The following SLC25A16 variants were observed in gnomAD, a reference collection of about 807,000 sequenced individuals.
The protein encoded by SLC25A16 is mitochondrial coenzyme A transporter SLC25A16.
Under a neutral mutation model 41.5 loss-of-function variants are expected in SLC25A16, and 39 were observed. That is an observed-to-expected ratio of 0.94 (90% CI 0.73 to 1.23). The LOEUF (loss-of-function observed/expected upper bound fraction) is 1.23. Ranked by LOEUF, SLC25A16 falls within the 50% of genes most tolerant of loss-of-function variation. The pLI is 0.00. For synonymous variants in SLC25A16, 146 were observed against 147.8 expected, an observed-to-expected ratio of 0.99 and a Z score of 0.09; for missense variants, 421 against 426.9, an observed-to-expected ratio of 0.99 and a Z score of 0.12.
rs1197573544 is a variant in SLC25A16, at chr10:68,482,730, G to A, written c.*702C>T. The A allele has an allele frequency of 6.6e-6, 1 of 152,064 alleles. No homozygotes were observed. The highest frequency in any genetic ancestry group is 1.9e-4 in the East Asian group (1 of 5,184). 9.4% of individuals were successfully genotyped at this position (152,064 alleles called of 1,614,324 possible). On this transcript the variant is annotated 3_prime_UTR_variant, in exon 9 of 9. Coordinates refer to ENST00000609923, the MANE Select transcript of SLC25A16 (RefSeq NM_152707.4). ...GTCGTTCATTCATTTATTAAGTGGG[G>A]TTTCATGATGTTGCATAGGCTGGCA...
At chr10:68,489,013 T>C (rs2052611781) in intron 6 of SLC25A16, among the ~76,000 whole-genome samples, 1 of 152,190 alleles carries the variant, frequency 6.6e-6, no homozygotes, top group Non-Finnish European at 1.5e-5. Context: ...CTCACACCTG[T>C]AATCCCAACA....
chr10:68,527,125 C>G, intron 1 of SLC25A16, 121 bp downstream of exon 1: 1 of 1,063,340 alleles, frequency 9.4e-7, no homozygotes, highest in East Asian at 2.9e-5. Flanking sequence ...GGGCAGACAT[C>G]TAACAGAACA....
At chr10:68,514,165 C>G (rs968351419) in intron 2 of SLC25A16, among the ~76,000 whole-genome samples, 1 of 152,022 alleles carries the variant, frequency 6.6e-6, no homozygotes, top group Admixed American at 6.6e-5. Context: ...AGTACTCCAG[C>G]CTCTGGGCGA....
chr10:68,512,453 C>T (rs1306434440), intron 2 of SLC25A16, among the ~76,000 whole-genome samples: 1 of 95,700 alleles, frequency 1.0e-5, no homozygotes. Context: ...CCGGCTAAAA[C>T]GGTGAAACCC....
At chr10:68,490,406 G>A (rs1045486274) in intron 6 of SLC25A16, among the ~76,000 whole-genome samples, 34 of 151,424 alleles carry the variant, frequency 2.2e-4, no homozygotes, top group Non-Finnish European at 2.1e-4. Flanking sequence ...GCAATGGTGC[G>A]ATCTTAGCTC....
chr10:68,524,974 G>A (rs1196256167), intron 1 of SLC25A16, among the ~76,000 whole-genome samples: 1 of 151,828 alleles, frequency 6.6e-6, no homozygotes, highest in Non-Finnish European at 1.5e-5. Flanking sequence ...TTGAACCCAG[G>A]AAGCAGAGGT....
At chr10:68,512,098 AT>A (rs372878002) in intron 2 of SLC25A16, among the ~76,000 whole-genome samples, 128 of 152,214 alleles carry the variant, frequency 8.4e-4, no homozygotes, top group African/African-American at 3.0e-3. Flanking sequence ...GATTCTTTGT[AT>A]ACATGAGCAA....
At chr10:68,490,029 G>A (rs1223759024) in intron 6 of SLC25A16, among the ~76,000 whole-genome samples, 1 of 152,158 alleles carries the variant, frequency 6.6e-6, no homozygotes, top group African/African-American at 2.4e-5. Flanking sequence ...TGGAGGCTAA[G>A]GTGGGAGGAT....
At chr10:68,513,939 A>G (rs10998241) in intron 2 of SLC25A16, among the ~76,000 whole-genome samples, 1 of 152,040 alleles carries the variant, frequency 6.6e-6, no homozygotes, top group African/African-American at 2.4e-5. Flanking sequence ...GCTCATGCCT[A>G]TAATTTCAGT....
At chr10:68,496,419 T>A in intron 4 of SLC25A16, 2 of 937,808 alleles carry the variant, frequency 2.1e-6, no homozygotes, top group South Asian at 4.9e-5. Flanking sequence ...ATAAGGCAAA[T>A]CAGAAACTGC....
At position 68,483,227 on chromosome 10, in the gene SLC25A16, G is replaced by C. The variant is rs947519487; in HGVS notation, c.*205C>G. 10 of 442,178 alleles carry C rather than the reference G, an allele frequency of 2.3e-5. No individual in the cohort carries two copies. The highest frequency in any genetic ancestry group is 1.8e-4 in the African/African-American group (9 of 50,278). The allele number at this position is 442,178 out of a possible 1,614,324, so 27.4% of individuals were successfully genotyped here. A position where few individuals can be genotyped will look rare whatever the true frequency, so the allele number is the denominator to read the frequency against. ...TCAGCTTAGGAATATTTTCTTCAAT[G>C]TTCTAAGGTATAATGTTTGGCATCA... On this transcript the variant is annotated 3_prime_UTR_variant, in exon 9 of 9. Coordinates refer to ENST00000609923, the MANE Select transcript of SLC25A16 (RefSeq NM_152707.4).
At chr10:68,501,062 GACA>G (rs2052835408) in intron 4 of SLC25A16, among the ~76,000 whole-genome samples, 1 of 151,660 alleles carries the variant, frequency 6.6e-6, no homozygotes, top group South Asian at 2.1e-4. Flanking sequence ...GACCAGCCTG[GACA>G]ACATGGTGAA....
chr10:68,495,907 C>T (rs939006011), intron 4 of SLC25A16, among the ~76,000 whole-genome samples: 3 of 151,642 alleles, frequency 2.0e-5, no homozygotes, highest in African/African-American at 7.3e-5. Flanking sequence ...GGTTTCAATC[C>T]TGTTATCTGT....
chr10:68,507,133 C>T (rs1348003532), intron 2 of SLC25A16, among the ~76,000 whole-genome samples: 5 of 135,788 alleles, frequency 3.7e-5, no homozygotes, highest in Non-Finnish European at 6.1e-5. Context: ...AGTGCAGTGG[C>T]GCGATCTGGG....
intron 2 of SLC25A16, among the ~76,000 whole-genome samples, chr10:68,515,062 T>A (rs1442815024): frequency 2.0e-5 from 3 of 149,844 alleles, no homozygotes; most frequent in African/African-American, 7.3e-5. Context: ...TTTTTTTTTT[T>A]AACAAAGCAA....
At chr10:68,515,719 A>G (rs992837556) in intron 2 of SLC25A16, among the ~76,000 whole-genome samples, 5 of 152,126 alleles carry the variant, frequency 3.3e-5, no homozygotes, top group African/African-American at 1.2e-4. Flanking sequence ...AATCGCTTGA[A>G]CCTGGGAGGC....
chr10:68,510,165 A>T (rs1381211041), intron 2 of SLC25A16, among the ~76,000 whole-genome samples: 2 of 152,210 alleles, frequency 1.3e-5, no homozygotes, highest in African/African-American at 4.8e-5. Context: ...TTTTATAAAA[A>T]GTCGGAGTAG....
Position 68,488,632 on chromosome 10 carries a change from G to A in SLC25A16, c.611-3C>T, listed in dbSNP as rs745534857. ...ACCAAAAGTAAAAAATGAAACACCT[G>A]AAAAACAAAAAATAAATTCACCATG... On this transcript the variant is annotated splice_region_variant and splice_polypyrimidine_tract_variant and intron_variant, in intron 6 of 8. Transcript: ENST00000609923. The A allele has an allele frequency of 6.2e-7, 1 of 1,610,182 alleles. No homozygotes were observed. The highest frequency in any genetic ancestry group is 1.7e-5 in the Admixed American group (1 of 59,320).
intron 2 of SLC25A16, among the ~76,000 whole-genome samples, chr10:68,510,223 CATGTTTAAA>C (rs1262521453): frequency 6.6e-6 from 1 of 151,964 alleles, no homozygotes; most frequent in Non-Finnish European, 1.5e-5. Context: ...TGTGAAAAAT[CATGTTTAAA>C]AAAGCAAAAT....
Sources: allele counts gnomAD v4.1 joint callset (sites outside exome capture counted in the v4.1 genomes callset), GRCh38; gene constraint gnomAD v4.1.1; transcripts MANE v1.5; gene names NCBI Gene and HGNC (gene_info 2026-07-23, HGNC 2026-07-21).